Variants in ITPR2 observed in about 807,000 individuals in gnomAD.
ITPR2 encodes the protein inositol 1,4,5-trisphosphate-gated calcium channel ITPR2.
ITPR2 carries 207 observed loss-of-function variants against 317.1 expected under a neutral mutation model. The ratio of observed to expected loss-of-function variants is 0.65; its 90% CI spans 0.58 to 0.73. The LOEUF is 0.73. ITPR2 is among the 30% of genes least tolerant of loss of function. The pLI is 0.00. For missense variants in ITPR2, 2,613 were observed against 3,284.0 expected, an observed-to-expected ratio of 0.80 and a Z score of 4.99; for synonymous variants, 1,156 against 1,149.1, an observed-to-expected ratio of 1.01 and a Z score of -0.12.
intron 2 of ITPR2, among the ~76,000 whole-genome samples, chr12:26,734,869 T>G (rs973757714): frequency 1.3e-5 from 2 of 152,120 alleles, no homozygotes; most frequent in Non-Finnish European, 2.9e-5. Flanking sequence ...ATATTTATAC[T>G]CCAATAAGAC....
intron 35 of ITPR2, among the ~76,000 whole-genome samples, chr12:26,559,983 T>C (rs1027846539): frequency 5.9e-5 from 9 of 152,236 alleles, no homozygotes; most frequent in Non-Finnish European, 1.5e-5. Context: ...ATTTATCATT[T>C]ATTTAATGAG....
chr12:26,818,558 T>G (rs970944657), intron 1 of ITPR2, among the ~76,000 whole-genome samples: 3 of 152,238 alleles, frequency 2.0e-5, no homozygotes, highest in African/African-American at 7.2e-5. Flanking sequence ...TCTCATTTAT[T>G]AATATTCCTG....
chr12:26,514,570 T>C (rs1202718016), intron 37 of ITPR2, among the ~76,000 whole-genome samples: 1 of 152,210 alleles, frequency 6.6e-6, no homozygotes, highest in Non-Finnish European at 1.5e-5. Context: ...CATTGAGCCA[T>C]CTTGGGTGAC....
intron 37 of ITPR2, among the ~76,000 whole-genome samples, chr12:26,538,183 C>A (rs55880775): frequency 0.15 from 23,067 of 152,128 alleles, 2,406 homozygotes; most frequent in Non-Finnish European, 0.23. Flanking sequence ...GTTGTGTGAT[C>A]TTGGGCAAGT....
rs115123182 is a variant in ITPR2, at chr12:26,643,919, T to C, written c.2740+10057A>G. ...CTCAGCCTATCCATATTGAAAAACATGAAAAAGTCTGTTTGGAAGTGTGGC... is the reference window on the plus strand; with the variant it reads ...CTCAGCCTATCCATATTGAAAAACACGAAAAAGTCTGTTTGGAAGTGTGGC... On this transcript the variant is annotated intron_variant, in intron 21 of 56. Coordinates refer to ENST00000381340, the MANE Select transcript of ITPR2 (RefSeq NM_002223.4). Among the ~76,000 whole-genome samples, 872 of 152,254 alleles carry C rather than the reference T, an allele frequency of 5.7e-3. 7 individuals carry two copies. Among genetic ancestry groups the C allele is most frequent in the African/African-American group, 0.019 (804 of 41,538 alleles).
intron 1 of ITPR2, among the ~76,000 whole-genome samples, chr12:26,816,239 AAAT>A (rs1473083643): frequency 5.3e-5 from 8 of 152,186 alleles, no homozygotes; most frequent in African/African-American, 1.9e-4. Flanking sequence ...CTAATAATAT[AAAT>A]AATAATAGCT....
rs1565629491 is a variant in ITPR2, at chr12:26,597,127, T to G, written c.4010A>C (p.Asn1337Thr). ...CQDMVMTELI[N>T]GGEDVLIFYN... ...AAATATCAGCACGTCTTCACCCCCA[T>G]TTATCAACTGAAATGATAATAAGAG... The change falls in exon 31 of 57, where the codon AAT (asparagine) becomes ACT (threonine). Residue 1337 changes from asparagine (N) to threonine (T), a missense_variant. By Grantham distance (65) the Asn-to-Thr change is moderately conservative (BLOSUM62 0). Around this residue, in one of 9 missense-constraint regions of ITPR2, gnomAD observed 817 missense variants for 897.6 expected, o/e 0.91. Coordinates refer to ENST00000381340, the MANE Select transcript of ITPR2 (RefSeq NM_002223.4). 6.2e-7 allele frequency: 1 copy of G among 1,613,718 alleles called. No homozygotes were observed. Among genetic ancestry groups the G allele is most frequent in the East Asian group, 2.2e-5 (1 of 44,896 alleles).
At chr12:26,414,050 T>TATAC (rs1555121665) in intron 51 of ITPR2, among the ~76,000 whole-genome samples, 87 of 138,208 alleles carry the variant, frequency 6.3e-4, no homozygotes, top group East Asian at 6.0e-3. Flanking sequence ...TGTATATATG[T>TATAC]ACACACACAC....
intron 55 of ITPR2, among the ~76,000 whole-genome samples, chr12:26,349,403 T>C (rs774982539): frequency 2.6e-5 from 4 of 152,204 alleles, no homozygotes; most frequent in Non-Finnish European, 4.4e-5. Flanking sequence ...GTAAATGTGG[T>C]GCAGTACCAA....
At chr12:26,547,404 C>T (rs191550768) in intron 37 of ITPR2, among the ~76,000 whole-genome samples, 9 of 152,156 alleles carry the variant, frequency 5.9e-5, no homozygotes, top group African/African-American at 2.2e-4. Flanking sequence ...AAAAAAATAA[C>T]AGACGTTGAT....
intron 55 of ITPR2, among the ~76,000 whole-genome samples, chr12:26,374,981 T>G (rs1348457919): frequency 6.6e-6 from 1 of 152,262 alleles, no homozygotes; most frequent in African/African-American, 2.4e-5. Context: ...AATTGCCATC[T>G]TAACTAATTA....
At chr12:26,788,743 A>G (rs114262430) in intron 2 of ITPR2, among the ~76,000 whole-genome samples, 2,259 of 151,472 alleles carry the variant, frequency 0.015, 63 homozygotes, top group African/African-American at 0.051. Flanking sequence ...GACTCATCCA[A>G]ATTCTTCTTC....
intron 54 of ITPR2, among the ~76,000 whole-genome samples, chr12:26,395,894 T>G (rs1315630494): frequency 1.3e-5 from 2 of 152,234 alleles, no homozygotes; most frequent in African/African-American, 4.8e-5. Flanking sequence ...AAGTCTCTGT[T>G]TCCATGTTTG....
chr12:26,465,291 C>T (rs964031256), intron 45 of ITPR2, among the ~76,000 whole-genome samples: 14 of 152,008 alleles, frequency 9.2e-5, no homozygotes, highest in Admixed American at 6.5e-4. Flanking sequence ...AGTGACAGGA[C>T]AAAAGATGCG....
chr12:26,724,758 C>A lies in ITPR2; in HGVS notation c.280-16G>T, dbSNP rs1251499724. 2.5e-6 allele frequency: 4 copies of A among 1,569,656 alleles called. No individual in the cohort carries two copies. Among genetic ancestry groups the A allele is most frequent in the East Asian group, 4.5e-5 (2 of 44,498 alleles). Reference sequence around the variant, plus strand: ...CTGCAGCGTGCTATAAGATGATTATCAAATATTCAGTGTAGAAATATAGTA... The same window carrying A: ...CTGCAGCGTGCTATAAGATGATTATAAAATATTCAGTGTAGAAATATAGTA... On this transcript the variant is annotated splice_polypyrimidine_tract_variant and intron_variant, in intron 3 of 56. Transcript: ENST00000381340.
At chr12:26,350,973 G>A (rs1050980798) in intron 55 of ITPR2, among the ~76,000 whole-genome samples, 4 of 152,238 alleles carry the variant, frequency 2.6e-5, no homozygotes, top group Non-Finnish European at 5.9e-5. Flanking sequence ...AGAGAGAAGA[G>A]GGAGTGACCC....
intron 37 of ITPR2, among the ~76,000 whole-genome samples, chr12:26,538,924 T>A (rs1201242771): frequency 6.6e-6 from 1 of 152,202 alleles, no homozygotes; most frequent in African/African-American, 2.4e-5. Flanking sequence ...TTTCTTTTTA[T>A]CTATAAAATG....
At chr12:26,651,377 C>T (rs1307152559) in intron 21 of ITPR2, among the ~76,000 whole-genome samples, 1 of 152,168 alleles carries the variant, frequency 6.6e-6, no homozygotes, top group Non-Finnish European at 1.5e-5. Flanking sequence ...CTCTCTTTGA[C>T]ACCTTATAAT....
rs963321223 is a variant in ITPR2, at chr12:26,385,699, G to A, written c.7857+1735C>T. Among the ~76,000 whole-genome samples, 9 of 152,252 alleles carry A rather than the reference G, an allele frequency of 5.9e-5. No homozygotes were observed. The East Asian group carries it at 1.7e-3, about 29-fold the overall frequency. The stretch of plus-strand genomic sequence containing the variant: ...CTGGGCAACTCACGATCCCCTGAGT[G>A]TCCAAGTGTCTCATGTTTATGCTTT... On this transcript the variant is annotated intron_variant, in intron 55 of 56. Coordinates refer to ENST00000381340, the MANE Select transcript of ITPR2 (RefSeq NM_002223.4).
Sources: gnomAD v4.1 joint callset for allele counts (sites outside exome capture counted in the v4.1 genomes callset) on GRCh38, gnomAD v4.1.1 for gene constraint, gnomAD v4.1.1 regional missense constraint, MANE v1.5 for transcripts, NCBI Gene and HGNC (gene_info 2026-07-23, HGNC 2026-07-21) for gene names.